TENM2: variants seen among roughly 807,000 people sequenced by gnomAD.
The protein encoded by TENM2 is teneurin transmembrane protein 2, also known as teneurin-2.
Under a neutral mutation model 245.2 loss-of-function variants are expected in TENM2, and 52 were observed. That is an observed-to-expected ratio of 0.21 (90% CI 0.17 to 0.27). The LOEUF is 0.27. TENM2 is among the 10% of genes least tolerant of loss of function. TENM2 has a pLI of 1.00. For synonymous variants in TENM2, 1,363 were observed against 1,438.9 expected, an observed-to-expected ratio of 0.95 and a Z score of 1.19; for missense variants, 3,046 against 3,666.8, an observed-to-expected ratio of 0.83 and a Z score of 4.37.
chr5:168,238,221 G>GGAA (rs1554230286), intron 25 of TENM2, among the ~76,000 whole-genome samples: 4 of 24,382 alleles, frequency 1.6e-4, no homozygotes, highest in Admixed American at 6.3e-4. Context: ...GAGGGAGAGA[G>GGAA]AAGAAAAGAA....
chr5:167,855,054 C>T (rs1045477428), intron 2 of TENM2, among the ~76,000 whole-genome samples: 14 of 152,170 alleles, frequency 9.2e-5, no homozygotes, highest in African/African-American at 2.7e-4. Flanking sequence ...ATCAGCTTTC[C>T]GTCTCACCCA....
the TENM2 span, among the ~76,000 whole-genome samples, chr5:167,136,828 C>A: frequency 6.6e-6 from 1 of 152,216 alleles, no homozygotes; most frequent in East Asian, 1.9e-4. Flanking sequence ...CATATTGTAT[C>A]TTTTATCCAA....
chr5:167,855,957 G>A (rs1272363353), intron 2 of TENM2, among the ~76,000 whole-genome samples: 1 of 151,474 alleles, frequency 6.6e-6, no homozygotes, highest in African/African-American at 2.4e-5. Context: ...GATGGAGGAA[G>A]GAGGGAAGGG....
At chr5:167,084,356 T>TATATATATAC in the TENM2 span, among the ~76,000 whole-genome samples, 1 of 111,568 alleles carries the variant, frequency 9.0e-6, no homozygotes, top group South Asian at 2.8e-4. Flanking sequence ...TATATATATA[T>TATATATATAC]ATATATATAT....
intron 2 of TENM2, among the ~76,000 whole-genome samples, chr5:167,682,827 A>G (rs182418553): frequency 2.0e-4 from 30 of 152,254 alleles, no homozygotes; most frequent in Non-Finnish European, 4.1e-4. Flanking sequence ...TAACAGCAAG[A>G]CTTATGGTAT....
intron 2 of TENM2, among the ~76,000 whole-genome samples, chr5:167,829,607 A>G (rs1178027698): frequency 6.6e-6 from 1 of 152,224 alleles, no homozygotes; most frequent in African/African-American, 2.4e-5. Flanking sequence ...TTAGGCAATT[A>G]TAATGTGGCA....
intron 5 of TENM2, among the ~76,000 whole-genome samples, chr5:168,003,309 ACAC>A (rs1562038541): frequency 5.3e-4 from 16 of 30,024 alleles, no homozygotes; most frequent in South Asian, 2.2e-3. Context: ...AAGAAAAAAC[ACAC>A]ACACACACAC....
intron 8 of TENM2, among the ~76,000 whole-genome samples, chr5:168,093,022 T>G (rs1172733492): frequency 6.6e-6 from 1 of 152,184 alleles, no homozygotes; most frequent in Non-Finnish European, 1.5e-5. Flanking sequence ...TAAATGCAGT[T>G]AAAAAACTTG....
At chr5:167,884,541 T>A (rs1304027066) in intron 3 of TENM2, among the ~76,000 whole-genome samples, 3 of 152,224 alleles carry the variant, frequency 2.0e-5, no homozygotes, top group Admixed American at 6.5e-5. Context: ...CATAATGTCT[T>A]CAAGTTTCAT....
At chr5:167,570,635 A>AC (rs1056615949) in intron 2 of TENM2, among the ~76,000 whole-genome samples, 1 of 152,056 alleles carries the variant, frequency 6.6e-6, no homozygotes, top group Admixed American at 6.6e-5. Context: ...CCTTGCCAGA[A>AC]CCCTAGGAAT....
chr5:168,151,968 C>A (rs907917811), intron 12 of TENM2, among the ~76,000 whole-genome samples: 2 of 152,164 alleles, frequency 1.3e-5, no homozygotes, highest in African/African-American at 4.8e-5. Flanking sequence ...TCATCCAGGG[C>A]AAATTGGAAG....
chr5:167,380,284 A>G (rs1761020633), intron 2 of TENM2, among the ~76,000 whole-genome samples: 1 of 152,168 alleles, frequency 6.6e-6, no homozygotes, highest in African/African-American at 2.4e-5. Context: ...TGATAATAAC[A>G]TACAACCAGA....
rs1161351886 is a variant in TENM2, at chr5:167,394,567, TG to T, written c.502+19095del. On this transcript the variant is annotated intron_variant, in intron 2 of 28. Coordinates refer to ENST00000518659, the Ensembl canonical transcript of TENM2. ...AGACTTATAAATAAATATAAATAAA[TG>T]TATGTATGTATTTATTTAGTTAGTT... Among the ~76,000 whole-genome samples the T allele has an allele frequency of 1.4e-3, 218 of 151,812 alleles. 2 individuals are homozygous for T. Among genetic ancestry groups the T allele is most frequent in the African/African-American group, 4.0e-3 (165 of 41,364 alleles).
chr5:167,898,641 T>C (rs1394878751), intron 3 of TENM2, among the ~76,000 whole-genome samples: 2 of 152,154 alleles, frequency 1.3e-5, no homozygotes, highest in Admixed American at 6.5e-5. Flanking sequence ...AGATATTTAG[T>C]TGATTACTGC....
chr5:168,083,141 C>G (rs1036848163), intron 7 of TENM2, among the ~76,000 whole-genome samples: 4 of 152,190 alleles, frequency 2.6e-5, no homozygotes, highest in African/African-American at 9.7e-5. Flanking sequence ...CTGCTCAAGC[C>G]TCAGCAATGG....
At chr5:166,979,308 C>T in the TENM2 span, among the ~76,000 whole-genome samples, 2 of 151,900 alleles carry the variant, frequency 1.3e-5, no homozygotes, top group Admixed American at 6.6e-5. Flanking sequence ...TTTGGGGAGT[C>T]CGGGGGGCGG....
chr5:167,562,510 G>A (rs1010493473), intron 2 of TENM2, among the ~76,000 whole-genome samples: 1 of 152,102 alleles, frequency 6.6e-6, no homozygotes, highest in Admixed American at 6.5e-5. Context: ...CACTAACTAA[G>A]GTAAATTATT....
Position 168,195,165 on chromosome 5 carries a change from G to A in TENM2, c.2781-11G>A, listed in dbSNP as rs2152519722. ...ATGTGGCTCAAAGACCTCTGTTTCTGTCTTTCTCAGCTTGGTTTCTCTCAT... is the reference window on the plus strand; with the variant it reads ...ATGTGGCTCAAAGACCTCTGTTTCTATCTTTCTCAGCTTGGTTTCTCTCAT... On this transcript the variant is annotated splice_polypyrimidine_tract_variant and intron_variant, in intron 14 of 28. Coordinates refer to ENST00000518659, the Ensembl canonical transcript of TENM2. 1 of 1,584,012 alleles carries A rather than the reference G, an allele frequency of 6.3e-7. No homozygotes were observed. The highest frequency in any genetic ancestry group is 1.3e-5 in the African/African-American group (1 of 74,506).
chr5:167,787,974 T>C (rs1764696077), intron 2 of TENM2, among the ~76,000 whole-genome samples: 1 of 152,274 alleles, frequency 6.6e-6, no homozygotes, highest in African/African-American at 2.4e-5. Flanking sequence ...GTCCTTGATA[T>C]GCCTTTAAAA....
Sources: gnomAD v4.1 joint callset for allele counts (sites outside exome capture counted in the v4.1 genomes callset) on GRCh38, gnomAD v4.1.1 for gene constraint, MANE v1.5 for transcripts, NCBI Gene and HGNC (gene_info 2026-07-23, HGNC 2026-07-21) for gene names.